MUSK: variants seen among roughly 807,000 people sequenced by gnomAD.
MUSK encodes the protein muscle, skeletal receptor tyrosine-protein kinase.
Under a neutral mutation model 88.7 loss-of-function variants are expected in MUSK, and 55 were observed. That is an observed-to-expected ratio of 0.62 (90% CI 0.50 to 0.78). The LOEUF is 0.78. Among genes scored for constraint, MUSK ranks in the 30% least tolerant of loss-of-function variants. The probability of loss-of-function intolerance (pLI) is 0.00; values close to 1 mark genes in which losing one functional copy is unlikely to be tolerated. For missense variants in MUSK, 1,015 were observed against 1,074.3 expected (o/e 0.94, Z 0.77); for synonymous variants, 387 against 391.9 (o/e 0.99, Z 0.15).
chr9:110,743,650 T>C (rs1034336557), intron 6 of MUSK, among the ~76,000 whole-genome samples: 1 of 152,218 alleles, frequency 6.6e-6, no homozygotes, highest in Non-Finnish European at 1.5e-5. Flanking sequence ...TTGAAGGTTG[T>C]CTTTTAGAAT....
Position 110,751,733 on chromosome 9 carries a change from A to G in MUSK, c.913+3933A>G, listed in dbSNP as rs576971125. ...GGGGTATGTTTACAGTAGCTACCCA[A>G]GGAACTTGGGTAGAGGTAGAGAAGG... On this transcript the variant is annotated intron_variant, in intron 7 of 14. Transcript: ENST00000374448. 3.3e-5 allele frequency among the ~76,000 whole-genome samples: 5 copies of G among 152,288 alleles called. No individual in the cohort carries two copies. The South Asian group carries it at 1.0e-3, about 32-fold the overall frequency.
At chr9:110,730,564 C>T (rs2076950351) in intron 5 of MUSK, among the ~76,000 whole-genome samples, 3 of 152,068 alleles carry the variant, frequency 2.0e-5, no homozygotes, top group Admixed American at 2.0e-4. Context: ...TTGTGACTAC[C>T]ACTGAAATAA....
chr9:110,680,222 T>C (rs752215063), intron 1 of MUSK, among the ~76,000 whole-genome samples: 1 of 152,196 alleles, frequency 6.6e-6, no homozygotes, highest in East Asian at 1.9e-4. Context: ...TATTGCCTTT[T>C]GGTATCAATT....
chr9:110,697,240 G>C, intron 4 of MUSK, 85 bp from the exon 5 acceptor site: 1 of 1,393,038 alleles, frequency 7.2e-7, no homozygotes, highest in East Asian at 2.3e-5. Flanking sequence ...TGATAATAGT[G>C]ATGACAATAA....
rs2077002695 is a variant in MUSK, at chr9:110,734,386, T to C, written c.753+11T>C. ...GAAAACGGAAATGCTGTGAGTGTCA[T>C]GTGTGTGGGGACTTGTCTGGGGAAG... is the stretch of plus-strand genomic sequence containing the variant. On this transcript the variant is annotated intron_variant, in intron 6 of 14. Coordinates refer to ENST00000374448, the MANE Select transcript of MUSK (RefSeq NM_005592.4). 1.2e-6 allele frequency: 2 copies of C among 1,613,028 alleles called. No homozygotes were observed. Among genetic ancestry groups the C allele is most frequent in the Non-Finnish European group, 8.5e-7 (1 of 1,179,274 alleles).
At chr9:110,722,651 C>A (rs79223577) in intron 5 of MUSK, among the ~76,000 whole-genome samples, 326 of 151,928 alleles carry the variant, frequency 2.1e-3, no homozygotes, top group African/African-American at 7.6e-3. Context: ...AATAATGGAT[C>A]TGACCAAGGA....
intron 14 of MUSK, among the ~76,000 whole-genome samples, chr9:110,798,445 C>T (rs996315545): frequency 1.3e-5 from 2 of 152,106 alleles, no homozygotes; most frequent in African/African-American, 4.8e-5. Flanking sequence ...ACGGAATATT[C>T]TGGCAGTGGA....
intron 1 of MUSK, among the ~76,000 whole-genome samples, chr9:110,677,594 C>T (rs1405610035): frequency 6.6e-6 from 1 of 152,170 alleles, no homozygotes; most frequent in Non-Finnish European, 1.5e-5. Flanking sequence ...CTTAGGGCAC[C>T]AGCCTCCCTC....
intron 1 of MUSK, among the ~76,000 whole-genome samples, chr9:110,682,219 A>G (rs1006492421): frequency 2.6e-5 from 4 of 151,998 alleles, no homozygotes; most frequent in African/African-American, 4.8e-5. Context: ...TGCTTTTATG[A>G]GTGTCTATTT....
intron 9 of MUSK, among the ~76,000 whole-genome samples, chr9:110,768,932 G>T (rs143068673): frequency 6.6e-6 from 1 of 151,982 alleles, no homozygotes; most frequent in African/African-American, 2.4e-5. Flanking sequence ...ATGTTCAATA[G>T]AATTATCTTC....
At chr9:110,732,041 T>A (rs577936578) in intron 5 of MUSK, among the ~76,000 whole-genome samples, 1 of 152,122 alleles carries the variant, frequency 6.6e-6, no homozygotes, top group Non-Finnish European at 1.5e-5. Context: ...TTCTCCAATT[T>A]TTTATTCTGC....
At chr9:110,689,884 AAATATAAAT>A (rs2076289263) in intron 3 of MUSK, among the ~76,000 whole-genome samples, 1 of 95,986 alleles carries the variant, frequency 1.0e-5, no homozygotes, top group Non-Finnish European at 1.8e-5. Context: ...ATATATATTT[AAATATAAAT>A]TATATAAATA....
rs182652195 is a variant in MUSK, at chr9:110,683,395, G to A, written c.206+595G>A. Among the ~76,000 whole-genome samples, 275 of 152,128 alleles carry A rather than the reference G, an allele frequency of 1.8e-3. 1 individual carries two copies. The highest frequency in any genetic ancestry group is 5.4e-3 in the African/African-American group (225 of 41,518). ...CATTCATCTGTTAATGAACACATAG[G>A]TTGCTTTCAAATCTTAGTTACTGAA... On this transcript the variant is annotated intron_variant, in intron 2 of 14. Coordinates refer to ENST00000374448, the MANE Select transcript of MUSK (RefSeq NM_005592.4).
intron 5 of MUSK, among the ~76,000 whole-genome samples, chr9:110,732,317 C>T (rs1054481051): frequency 2.0e-5 from 3 of 152,008 alleles, no homozygotes. Context: ...AGATGATGCA[C>T]ATGGACTCTA....
At chr9:110,762,818 T>C (rs2077421666) in intron 8 of MUSK, among the ~76,000 whole-genome samples, 1 of 152,230 alleles carries the variant, frequency 6.6e-6, no homozygotes, top group Admixed American at 6.5e-5. Flanking sequence ...GACAGCATTC[T>C]TAGCACATAG....
chr9:110,701,019 T>C (rs1273096586), intron 5 of MUSK, among the ~76,000 whole-genome samples: 1 of 152,190 alleles, frequency 6.6e-6, no homozygotes, highest in Non-Finnish European at 1.5e-5. Flanking sequence ...ATGGATGGAA[T>C]TTGAGAAAAT....
At chr9:110,750,090 G>C (rs1054635588) in intron 7 of MUSK, among the ~76,000 whole-genome samples, 1 of 152,032 alleles carries the variant, frequency 6.6e-6, no homozygotes, top group African/African-American at 2.4e-5. Flanking sequence ...CATGGAGAGA[G>C]AGAGAGAATC....
intron 14 of MUSK, among the ~76,000 whole-genome samples, chr9:110,797,992 T>G (rs1344598033): frequency 6.6e-6 from 1 of 152,234 alleles, no homozygotes; most frequent in Non-Finnish European, 1.5e-5. Context: ...TGGAGTTTTC[T>G]CTCATTTTTA....
chr9:110,767,701 C>T (rs958457520), intron 8 of MUSK, 119 bp from the exon 9 acceptor site: 1 of 1,083,876 alleles, frequency 9.2e-7, no homozygotes, highest in Non-Finnish European at 1.4e-6. Flanking sequence ...AACCAATTTA[C>T]TAGTACAATT....
Sources: gnomAD v4.1 joint callset for allele counts (sites outside exome capture counted in the v4.1 genomes callset) on GRCh38, gnomAD v4.1.1 for gene constraint, MANE v1.5 for transcripts, NCBI Gene and HGNC (gene_info 2026-07-23, HGNC 2026-07-21) for gene names.